The following LRP6 variants were observed in gnomAD, a reference collection of about 807,000 sequenced individuals.
LRP6 encodes low-density lipoprotein receptor-related protein 6.
A neutral mutation model predicts 184.1 loss-of-function variants in LRP6; 43 were observed. The ratio of observed to expected loss-of-function variants is 0.23; its 90% CI spans 0.18 to 0.30. LRP6 has a LOEUF of 0.30. Among genes scored for constraint, LRP6 ranks in the 10% least tolerant of loss-of-function variants. LRP6 has a pLI of 1.00. For synonymous variants in LRP6, 719 were observed against 684.9 expected (o/e 1.05, Z -0.78); for missense variants, 1,571 against 2,005.3 (o/e 0.78, Z 4.14).
chr12:12,261,746 C>A (rs539719451), intron 1 of LRP6, among the ~76,000 whole-genome samples: 15 of 152,200 alleles, frequency 9.9e-5, no homozygotes, highest in African/African-American at 3.6e-4. Context: ...AAATTTAGAA[C>A]CATAACTTAA....
Position 12,221,802 on chromosome 12 carries a change from C to T in LRP6, c.450-18402G>A, listed in dbSNP as rs78456607. 5.4e-3 allele frequency among the ~76,000 whole-genome samples: 816 copies of T among 152,252 alleles called. 1 individual carries two copies. Among genetic ancestry groups the T allele is most frequent in the African/African-American group, 0.019 (773 of 41,526 alleles). ...CCTAAATATTAGCTAATCATTAAGC[C>T]CCAGTTGGTACTCGCCTGTGTGGAG... On this transcript the variant is annotated intron_variant, in intron 2 of 22. Coordinates refer to ENST00000261349, the MANE Select transcript of LRP6 (RefSeq NM_002336.3).
chr12:12,196,090 C>G (rs557478404), intron 3 of LRP6, among the ~76,000 whole-genome samples: 57 of 152,140 alleles, frequency 3.7e-4, no homozygotes, highest in Non-Finnish European at 7.8e-4. Context: ...TTGGTTACTA[C>G]AACTTTGTGG....
chr12:12,164,637 T>C, intron 8 of LRP6, 75 bp from the exon 9 acceptor site: 3 of 1,440,116 alleles, frequency 2.1e-6, no homozygotes, highest in Non-Finnish European at 1.9e-6. Context: ...ACTTTTAAAT[T>C]ACTTAAGCGT....
chr12:12,188,722 A>G (rs1863540594), intron 3 of LRP6, among the ~76,000 whole-genome samples: 1 of 152,210 alleles, frequency 6.6e-6, no homozygotes, highest in African/African-American at 2.4e-5. Flanking sequence ...CTAATTTCCC[A>G]AAGAGAACTG....
intron 13 of LRP6, among the ~76,000 whole-genome samples, chr12:12,149,418 T>G (rs1472895080): frequency 6.6e-6 from 1 of 152,118 alleles, no homozygotes; most frequent in Non-Finnish European, 1.5e-5. Context: ...ATGCCTTGAT[T>G]AAGAGATGGG....
At chr12:12,183,928 T>C in intron 5 of LRP6, 52 bp downstream of exon 5, 1 of 1,544,892 alleles carries the variant, frequency 6.5e-7, no homozygotes, top group Non-Finnish European at 8.9e-7. Flanking sequence ...AAACAAATCA[T>C]GAAGAATTCC....
At chr12:12,151,105 G>C (rs183342886) in intron 12 of LRP6, 67 bp from the exon 13 acceptor site, 12 of 1,295,552 alleles carry the variant, frequency 9.3e-6, no homozygotes, top group South Asian at 1.3e-5. Context: ...CCAATGATTT[G>C]ATCAGCCTGT....
intron 3 of LRP6, among the ~76,000 whole-genome samples, chr12:12,198,889 T>C (rs566990086): frequency 6.6e-4 from 100 of 152,326 alleles, no homozygotes; most frequent in African/African-American, 2.4e-3. Context: ...GACTTTTGAC[T>C]CATTTATTTA....
chr12:12,116,819 A>G lies in LRP6; in HGVS notation c.*4307T>C, dbSNP rs1028323163. On this transcript the variant is annotated 3_prime_UTR_variant, in exon 23 of 23. Coordinates refer to ENST00000261349, the MANE Select transcript of LRP6 (RefSeq NM_002336.3). ...AAGAAAAACAGCAAAGTTTACCTCA[A>G]TTGAAAGAGGGTGAGGGTAGAGTCA... 2.0e-5 allele frequency: 3 copies of G among 152,326 alleles called. No individual in the cohort carries two copies. Among genetic ancestry groups the G allele is most frequent in the African/African-American group, 7.2e-5 (3 of 41,572 alleles). 9.4% of individuals were successfully genotyped at this position (152,326 alleles called of 1,614,324 possible). A position where few individuals can be genotyped will look rare whatever the true frequency, so the allele number is the denominator to read the frequency against.
intron 12 of LRP6, among the ~76,000 whole-genome samples, chr12:12,153,045 A>G (rs1056700398): frequency 6.6e-6 from 1 of 152,260 alleles, no homozygotes; most frequent in Non-Finnish European, 1.5e-5. Flanking sequence ...TGATTTAACA[A>G]CTTTTAGCAA....
At position 12,162,228 on chromosome 12, in the gene LRP6, A is replaced by G; in HGVS notation, c.2244T>C (p.Asp748=). ...GGTCCAACGCGAGAGCTCTGGGACTATCTAGGTCTTTCCACACCAAAACTT... is the reference window on the plus strand; with the variant it reads ...GGTCCAACGCGAGAGCTCTGGGACTGTCTAGGTCTTTCCACACCAAAACTT... ...HRQVLVWKDL[D]SPRALALDPA... Residue 748 remains aspartate, a synonymous_variant, in exon 10 of 23, where the codon GAT becomes GAC. Transcript: ENST00000261349. 6.2e-7 allele frequency: 1 copy of G among 1,614,182 alleles called. No individual in the cohort carries two copies. The highest frequency in any genetic ancestry group is 8.5e-7 in the Non-Finnish European group (1 of 1,180,022).
chr12:12,187,511 A>G (rs1863504407), intron 3 of LRP6: 1 of 265,188 alleles, frequency 3.8e-6, no homozygotes, highest in African/African-American at 2.2e-5. Context: ...AAGGTAAGCA[A>G]TGAGAAAAAT....
chr12:12,242,463 G>A (rs1039640057), intron 2 of LRP6, among the ~76,000 whole-genome samples: 5 of 152,114 alleles, frequency 3.3e-5, no homozygotes, highest in African/African-American at 7.2e-5. Flanking sequence ...TTTTCACCAC[G>A]GTATTCTTCC....
intron 12 of LRP6, among the ~76,000 whole-genome samples, chr12:12,153,217 A>G (rs1225020789): frequency 5.9e-5 from 9 of 152,222 alleles, no homozygotes; most frequent in Admixed American, 5.9e-4. Context: ...GGCTGGGCAC[A>G]GTGGTTCATG....
chr12:12,239,950 T>C (rs1263497269), intron 2 of LRP6, among the ~76,000 whole-genome samples: 2 of 151,602 alleles, frequency 1.3e-5, no homozygotes, highest in African/African-American at 4.8e-5. Flanking sequence ...GTGATGGATA[T>C]TACTTGATAT....
chr12:12,131,096 CATTTTTTTTT>C (rs1763079225), intron 18 of LRP6, among the ~76,000 whole-genome samples: 2 of 105,350 alleles, frequency 1.9e-5, no homozygotes, highest in African/African-American at 6.8e-5. Flanking sequence ...AATTTCCTAA[CATTTTTTTTT>C]TTTTTTTTTT....
chr12:12,128,880 A>G (rs1949709740), intron 19 of LRP6, among the ~76,000 whole-genome samples: 1 of 152,046 alleles, frequency 6.6e-6, no homozygotes, highest in Non-Finnish European at 1.5e-5. Context: ...TCTTTATTCT[A>G]CTTCTGAAAC....
chr12:12,213,834 T>A (rs553902597), intron 2 of LRP6, among the ~76,000 whole-genome samples: 2 of 152,180 alleles, frequency 1.3e-5, no homozygotes, highest in African/African-American at 2.4e-5. Context: ...ACCAATAATG[T>A]CTCATAGATT....
At chr12:12,165,685 T>C (rs1337070800) in intron 7 of LRP6, among the ~76,000 whole-genome samples, 4 of 152,232 alleles carry the variant, frequency 2.6e-5, no homozygotes, top group Non-Finnish European at 1.5e-5. Flanking sequence ...ACATCTTTTA[T>C]TTTATCTTGA....
Sources: gnomAD v4.1 joint callset for allele counts (sites outside exome capture counted in the v4.1 genomes callset) on GRCh38, gnomAD v4.1.1 for gene constraint, MANE v1.5 for transcripts, NCBI Gene and HGNC (gene_info 2026-07-23, HGNC 2026-07-21) for gene names.